UNC79: variants seen among roughly 807,000 people sequenced by gnomAD.
UNC79 encodes the protein unc-79 subunit of NALCN channel complex.
In UNC79, 37 loss-of-function variants were observed where a neutral mutation model predicts 283.1. That is an observed-to-expected ratio of 0.13 (90% CI 0.10 to 0.17). UNC79 has a LOEUF of 0.17. Ranked by LOEUF, UNC79 falls within the 10% of genes least tolerant of loss-of-function variation. The pLI is 1.00. For synonymous variants in UNC79, 1,107 were observed against 1,200.2 expected (o/e 0.92, Z 1.61); for missense variants, 2,272 against 3,211.1 (o/e 0.71, Z 7.07).
At chr14:93,380,975 T>C (rs951293196) in intron 1 of UNC79, among the ~76,000 whole-genome samples, 2 of 152,180 alleles carry the variant, frequency 1.3e-5, no homozygotes, top group Non-Finnish European at 2.9e-5. Context: ...ATTTATTGAG[T>C]GCTTTAGATA....
At chr14:93,668,773 G>A (rs2072492404) in intron 40 of UNC79, among the ~76,000 whole-genome samples, 1 of 151,454 alleles carries the variant, frequency 6.6e-6, no homozygotes, top group Non-Finnish European at 1.5e-5. Context: ...AGCCCCAGGA[G>A]GTAGAGGTTG....
At chr14:93,516,920 T>G (rs1279588198) in intron 7 of UNC79, among the ~76,000 whole-genome samples, 1 of 152,174 alleles carries the variant, frequency 6.6e-6, no homozygotes, top group Admixed American at 6.5e-5. Context: ...GTACAGATAT[T>G]ATATTTTGTT....
At chr14:93,428,920 A>G (rs2055788604), upstream of UNC79, among the ~76,000 whole-genome samples, 1 of 152,202 alleles carries the variant, frequency 6.6e-6, no homozygotes, top group Non-Finnish European at 1.5e-5. Flanking sequence ...ATGACTTAAC[A>G]CCATTATACT....
chr14:93,335,831 T>C (rs952951044), intron 1 of UNC79, among the ~76,000 whole-genome samples: 5 of 152,208 alleles, frequency 3.3e-5, no homozygotes, highest in Non-Finnish European at 7.3e-5. Context: ...GTCTTTTCAT[T>C]TTTAGAAGCC....
intron 31 of UNC79, chr14:93,634,595 C>T: frequency 6.2e-7 from 1 of 1,614,142 alleles, no homozygotes; most frequent in Non-Finnish European, 8.5e-7. Context: ...GCAGCTGGAG[C>T]ATCAGTCTAG....
chr14:93,553,092 TG>T (rs2061979532), intron 14 of UNC79, among the ~76,000 whole-genome samples: 1 of 152,246 alleles, frequency 6.6e-6, no homozygotes, highest in South Asian at 2.1e-4. Flanking sequence ...AGATTCTTAT[TG>T]CATGTATGCA....
chr14:93,671,677 C>T (rs575187290), intron 40 of UNC79, among the ~76,000 whole-genome samples: 3 of 152,182 alleles, frequency 2.0e-5, no homozygotes, highest in Non-Finnish European at 2.9e-5. Context: ...GAGGCTGAGG[C>T]AGGAGAATTG....
chr14:93,556,098 C>T (rs771123356), intron 14 of UNC79, among the ~76,000 whole-genome samples: 55 of 152,200 alleles, frequency 3.6e-4, no homozygotes, highest in African/African-American at 1.2e-3. Context: ...ACTGGGTCCC[C>T]GCAAAGAGGC....
intron 1 of UNC79, among the ~76,000 whole-genome samples, chr14:93,443,832 A>G (rs2056385911): frequency 6.6e-6 from 1 of 152,154 alleles, no homozygotes; most frequent in African/African-American, 2.4e-5. Context: ...TGGCATGTGT[A>G]TATTACAATT....
chr14:93,496,707 T>C (rs1420138209), intron 6 of UNC79, among the ~76,000 whole-genome samples: 1 of 152,194 alleles, frequency 6.6e-6, no homozygotes, highest in Non-Finnish European at 1.5e-5. Flanking sequence ...ATTCTTGGAA[T>C]TAAGCTAATA....
intron 7 of UNC79, among the ~76,000 whole-genome samples, chr14:93,507,014 A>AT (rs2059579193): frequency 1.3e-5 from 2 of 152,148 alleles, no homozygotes; most frequent in Admixed American, 1.3e-4. Flanking sequence ...AACATGATAC[A>AT]TTTTTTCATT....
intron 16 of UNC79, among the ~76,000 whole-genome samples, chr14:93,573,063 C>T (rs1400696623): frequency 6.6e-6 from 1 of 152,076 alleles, no homozygotes; most frequent in Non-Finnish European, 1.5e-5. Flanking sequence ...GCTTTAGGTC[C>T]TTTTGTATTT....
chr14:93,568,676 A>C (rs2063041846), intron 14 of UNC79, among the ~76,000 whole-genome samples: 1 of 148,510 alleles, frequency 6.7e-6, no homozygotes, highest in Non-Finnish European at 1.5e-5. Flanking sequence ...CGTCTCAAAA[A>C]AATAAAATAA....
At chr14:93,535,454 T>C (rs544956822) in intron 11 of UNC79, among the ~76,000 whole-genome samples, 2 of 152,320 alleles carry the variant, frequency 1.3e-5, no homozygotes, top group East Asian at 3.9e-4. Context: ...CCATAAGAAA[T>C]TGCTCAAAAT....
chr14:93,580,187 G>A (rs2141731384), exon 19 of UNC79: 1 of 1,614,014 alleles, frequency 6.2e-7, no homozygotes, highest in Non-Finnish European at 8.5e-7. Context: ...TGGGTTTAGA[G>A]CACAGCTTAT....
At chr14:93,634,786 A>C (rs1159010587) in intron 31 of UNC79, 149 bp downstream of exon 34, 2 of 704,430 alleles carry the variant, frequency 2.8e-6, no homozygotes, top group African/African-American at 3.6e-5. Context: ...GTAATTAGTA[A>C]GTCTATTTAA....
intron 23 of UNC79, among the ~76,000 whole-genome samples, chr14:93,594,413 G>A (rs535960655): frequency 6.6e-6 from 1 of 152,238 alleles, no homozygotes; most frequent in South Asian, 2.1e-4. Context: ...GGGGCTACAG[G>A]TGCATGCTAC....
chr14:93,655,498 G>A, intron 38 of UNC79, 91 bp downstream of exon 41: 1 of 1,468,552 alleles, frequency 6.8e-7, no homozygotes, highest in Non-Finnish European at 9.2e-7. Flanking sequence ...GTGATTTAAT[G>A]TATCGCAAAG....
intron 11 of UNC79, among the ~76,000 whole-genome samples, chr14:93,533,071 G>GT (rs969534420): frequency 1.3e-4 from 19 of 151,206 alleles, no homozygotes; most frequent in East Asian, 9.7e-4. Context: ...ATTTCCTTTA[G>GT]TTTTTTTTTA....
Sources: gnomAD v4.1 joint callset for allele counts (sites outside exome capture counted in the v4.1 genomes callset) on GRCh38, gnomAD v4.1.1 for gene constraint, MANE v1.5 for transcripts, NCBI Gene and HGNC (gene_info 2026-07-23, HGNC 2026-07-21) for gene names.